Variants in TENM4 observed in about 807,000 individuals in gnomAD.
TENM4 encodes teneurin-4.
A neutral mutation model predicts 243.3 loss-of-function variants in TENM4; 82 were observed. That is an observed-to-expected ratio of 0.34 (90% confidence interval 0.28 to 0.40). TENM4 has a LOEUF of 0.40. Ranked by LOEUF, TENM4 falls within the 10% of genes least tolerant of loss-of-function variation. TENM4 has a pLI of 1.00. For missense variants in TENM4, 3,138 were observed against 3,673.3 expected, an observed-to-expected ratio of 0.85 and a Z score of 3.77; for synonymous variants, 1,412 against 1,456.3, an observed-to-expected ratio of 0.97 and a Z score of 0.69.
At chr11:78,853,313 A>G (rs1177716620) in intron 12 of TENM4, among the ~76,000 whole-genome samples, 2 of 152,236 alleles carry the variant, frequency 1.3e-5, no homozygotes, top group Non-Finnish European at 2.9e-5. Context: ...CGAACTGCCA[A>G]GACCACTGTG....
intron 2 of TENM4, among the ~76,000 whole-genome samples, chr11:79,290,507 C>T (rs1018137457): frequency 6.6e-6 from 1 of 152,038 alleles, no homozygotes; most frequent in African/African-American, 2.4e-5. Context: ...CTGCTGCTTT[C>T]TTAGAAATCA....
chr11:79,061,583 G>C (rs1187806712), intron 6 of TENM4, among the ~76,000 whole-genome samples: 1 of 152,224 alleles, frequency 6.6e-6, no homozygotes, highest in Non-Finnish European at 1.5e-5. Context: ...TAATTCAGCT[G>C]TAATTCAGCT....
chr11:78,672,986 C>G (rs1292039649), intron 30 of TENM4, among the ~76,000 whole-genome samples: 2 of 152,026 alleles, frequency 1.3e-5, no homozygotes, highest in Non-Finnish European at 2.9e-5. Context: ...ACATATTCTT[C>G]CCAGAGGTGC....
chr11:79,387,168 C>T (rs1858133678), intron 1 of TENM4, among the ~76,000 whole-genome samples: 1 of 152,130 alleles, frequency 6.6e-6, no homozygotes, highest in African/African-American at 2.4e-5. Flanking sequence ...TGCTCTGTGA[C>T]TCCATATACA....
intron 2 of TENM4, among the ~76,000 whole-genome samples, chr11:79,269,073 C>A (rs931512735): frequency 1.3e-5 from 2 of 152,206 alleles, no homozygotes; most frequent in African/African-American, 4.8e-5. Context: ...AGGAACCTAA[C>A]CCTGTATTTC....
intron 2 of TENM4, among the ~76,000 whole-genome samples, chr11:79,290,094 C>T (rs1856329207): frequency 6.6e-6 from 1 of 152,166 alleles, no homozygotes; most frequent in Non-Finnish European, 1.5e-5. Context: ...CTGCTCCCAG[C>T]AGTTTCTACT....
intron 6 of TENM4, among the ~76,000 whole-genome samples, chr11:78,948,100 A>T (rs11826937): frequency 0.09 from 13,687 of 152,196 alleles, 1,073 homozygotes; most frequent in East Asian, 0.23. Context: ...CTCAACCCTA[A>T]GGAAAAGTTG....
chr11:78,708,685 G>C (rs188335574), intron 26 of TENM4, among the ~76,000 whole-genome samples, 170 bp from the exon 27 acceptor site: 1 of 152,312 alleles, frequency 6.6e-6, no homozygotes, highest in Admixed American at 6.5e-5. Flanking sequence ...CAGAGGCCTT[G>C]AGTGACTTGT....
At chr11:79,187,830 G>A (rs374637913) in intron 3 of TENM4, among the ~76,000 whole-genome samples, 3 of 152,194 alleles carry the variant, frequency 2.0e-5, no homozygotes, top group Non-Finnish European at 2.9e-5. Context: ...CCATTTGCAA[G>A]CCAAGGAAGG....
chr11:78,685,986 G>A (rs973474613), intron 29 of TENM4, among the ~76,000 whole-genome samples: 2 of 152,178 alleles, frequency 1.3e-5, no homozygotes, highest in African/African-American at 4.8e-5. Context: ...TCAGAAGCAG[G>A]CCTTAGGAAA....
chr11:78,934,079 G>T (rs1037032900), intron 6 of TENM4, among the ~76,000 whole-genome samples: 4 of 152,116 alleles, frequency 2.6e-5, no homozygotes, highest in Non-Finnish European at 4.4e-5. Flanking sequence ...TTTTGCCAGG[G>T]AAAGGAGCAT....
intron 4 of TENM4, among the ~76,000 whole-genome samples, chr11:79,140,977 C>T (rs1237264268): frequency 1.3e-5 from 2 of 152,002 alleles, no homozygotes; most frequent in Non-Finnish European, 2.9e-5. Context: ...AACAATCTTT[C>T]CCCTTGGACC....
chr11:79,309,266 C>T (rs1242553246), intron 1 of TENM4, among the ~76,000 whole-genome samples: 1 of 152,230 alleles, frequency 6.6e-6, no homozygotes, highest in Non-Finnish European at 1.5e-5. Flanking sequence ...TGTCAGTTTG[C>T]AGCCCCTTGG....
At chr11:79,224,228 C>T (rs2135245512) in intron 2 of TENM4, among the ~76,000 whole-genome samples, 1 of 152,256 alleles carries the variant, frequency 6.6e-6, no homozygotes, top group Admixed American at 6.5e-5. Flanking sequence ...ATTCATGGGT[C>T]CCATGACGAT....
chr11:79,024,167 G>C (rs546634395), intron 6 of TENM4, among the ~76,000 whole-genome samples: 1 of 152,258 alleles, frequency 6.6e-6, no homozygotes, highest in East Asian at 1.9e-4. Flanking sequence ...AAAAGGTCTG[G>C]TGGCCAGGGT....
At chr11:79,127,450 T>G (rs1250990447) in intron 4 of TENM4, among the ~76,000 whole-genome samples, 2 of 136,332 alleles carry the variant, frequency 1.5e-5, no homozygotes, top group African/African-American at 5.0e-5. Context: ...GTGGTTTTGT[T>G]GCTTGAGTAA....
intron 32 of TENM4, among the ~76,000 whole-genome samples, chr11:78,668,593 T>C (rs1257723455): frequency 6.6e-6 from 1 of 152,158 alleles, no homozygotes; most frequent in East Asian, 1.9e-4. Context: ...TAGGATTTCA[T>C]GGTGAAAAAA....
intron 12 of TENM4, among the ~76,000 whole-genome samples, chr11:78,846,219 G>A (rs1422683466): frequency 6.6e-6 from 1 of 152,132 alleles, no homozygotes; most frequent in African/African-American, 2.4e-5. Flanking sequence ...TCTGAATTAG[G>A]CTTCTACGTG....
intron 1 of TENM4, among the ~76,000 whole-genome samples, chr11:79,417,879 C>A (rs1198373889): frequency 1.3e-5 from 2 of 152,130 alleles, no homozygotes; most frequent in African/African-American, 4.8e-5. Context: ...TTGCCAAAAC[C>A]CTCAGAGCCC....
Sources: gnomAD v4.1 joint callset for allele counts (sites outside exome capture counted in the v4.1 genomes callset) on GRCh38, gnomAD v4.1.1 for gene constraint, MANE v1.5 for transcripts, NCBI Gene and HGNC (gene_info 2026-07-23, HGNC 2026-07-21) for gene names.